Variants in FAF1 observed in about 807,000 individuals in gnomAD.
FAF1 encodes FAS-associated factor 1.
FAF1 carries 25 observed loss-of-function variants against 92.5 expected under a neutral mutation model. That is an observed-to-expected ratio of 0.27 (90% CI 0.20 to 0.38). FAF1 has a LOEUF of 0.38. Among genes scored for constraint, FAF1 ranks in the 10% least tolerant of loss-of-function variants. FAF1 has a pLI of 1.00. For missense variants in FAF1, 636 were observed against 793.3 expected, an observed-to-expected ratio of 0.80 and a Z score of 2.38; for synonymous variants, 234 against 273.2, an observed-to-expected ratio of 0.86 and a Z score of 1.42.
chr1:50,544,332 G>C (rs914830265), intron 13 of FAF1, among the ~76,000 whole-genome samples: 1 of 152,108 alleles, frequency 6.6e-6, no homozygotes, highest in Non-Finnish European at 1.5e-5. Context: ...ATCACCTAGG[G>C]AATTTATTTA....
At chr1:50,669,446 A>G (rs1233184173) in intron 7 of FAF1, among the ~76,000 whole-genome samples, 1 of 152,252 alleles carries the variant, frequency 6.6e-6, no homozygotes, top group Non-Finnish European at 1.5e-5. Flanking sequence ...TAGAGGCATT[A>G]CTTTGACTGT....
Position 50,540,024 on chromosome 1 carries a change from T to G in FAF1, c.1269-296A>C, listed in dbSNP as rs556406586. Among the ~76,000 whole-genome samples, 3 of 152,062 alleles carry G rather than the reference T, an allele frequency of 2.0e-5. No individual in the cohort carries two copies. The South Asian group carries it at 6.2e-4, about 32-fold the overall frequency. ...TCTCTCTCTGTCACCCAGGCTGGAG[T>G]GCAGTGTTGTGATCTCGGCTCACTG... On this transcript the variant is annotated intron_variant, in intron 13 of 18. Coordinates refer to ENST00000396153, the MANE Select transcript of FAF1 (RefSeq NM_007051.3).
chr1:50,623,990 A>G (rs1002287248), intron 8 of FAF1, among the ~76,000 whole-genome samples: 8 of 150,912 alleles, frequency 5.3e-5, no homozygotes, highest in Admixed American at 5.3e-4. Flanking sequence ...GAAGAAGAGG[A>G]AGAAGAAGGA....
intron 7 of FAF1, among the ~76,000 whole-genome samples, chr1:50,676,925 T>C (rs2124355128): frequency 6.6e-6 from 1 of 152,254 alleles, no homozygotes; most frequent in Middle Eastern, 3.4e-3. Context: ...GCTGCCTCTC[T>C]CCATTCTATT....
rs867071109 is a variant in FAF1, at chr1:50,834,604, C to G, written c.114+23325G>C. 1.6e-4 allele frequency among the ~76,000 whole-genome samples: 24 copies of G among 152,202 alleles called. No homozygotes were observed. The Middle Eastern group carries it at 0.014, about 86-fold the overall frequency. On this transcript the variant is annotated intron_variant, in intron 2 of 18. Transcript: ENST00000396153. ...CAGAGCCAAAACTAGAAATCAGGTC[C>G]CCTAATTACTATTCCAATACTCAGG...
chr1:50,661,064 AAC>A (rs971075464), intron 7 of FAF1, among the ~76,000 whole-genome samples: 64 of 152,306 alleles, frequency 4.2e-4, no homozygotes, highest in African/African-American at 1.5e-3. Flanking sequence ...AAAAAAATAT[AAC>A]AGACATCAAA....
At chr1:50,812,552 T>C (rs560064240) in intron 2 of FAF1, among the ~76,000 whole-genome samples, 1 of 152,296 alleles carries the variant, frequency 6.6e-6, no homozygotes, top group Non-Finnish European at 1.5e-5. Context: ...AGAATGGCTA[T>C]TATTTAAATC....
chr1:50,460,191 T>C (rs1646408324), intron 18 of FAF1, among the ~76,000 whole-genome samples: 1 of 152,222 alleles, frequency 6.6e-6, no homozygotes, highest in Non-Finnish European at 1.5e-5. Flanking sequence ...ATAGCCTAAA[T>C]TCCAATCACA....
At chr1:50,504,980 G>C (rs1286121369) in intron 15 of FAF1, among the ~76,000 whole-genome samples, 1 of 152,172 alleles carries the variant, frequency 6.6e-6, no homozygotes, top group Non-Finnish European at 1.5e-5. Flanking sequence ...ATCATATGCA[G>C]ATTAAATTTT....
intron 1 of FAF1, among the ~76,000 whole-genome samples, chr1:50,886,897 A>C (rs1395136734): frequency 6.6e-6 from 1 of 152,198 alleles, no homozygotes; most frequent in Non-Finnish European, 1.5e-5. Context: ...TATACCCAGT[A>C]GTGGGATGGC....
In FAF1 at chr1:50,897,152, AAATT is replaced by A. The variant is rs377120612; in HGVS notation, c.46-39159_46-39156del. 1.8e-4 allele frequency among the ~76,000 whole-genome samples: 28 copies of A among 152,344 alleles called. No individual in the cohort carries two copies. The South Asian group carries it at 4.6e-3, about 25-fold the overall frequency. On this transcript the variant is annotated intron_variant, in intron 1 of 18. Transcript: ENST00000396153. ...GAAAACTATAAAAGTCTAATGAAAT[AAATT>A]AAAGAATATATAAATAAATGGAGAG... is the stretch of plus-strand genomic sequence containing the variant.
At chr1:50,899,312 C>T (rs900566374) in intron 1 of FAF1, among the ~76,000 whole-genome samples, 7 of 152,020 alleles carry the variant, frequency 4.6e-5, no homozygotes, top group Non-Finnish European at 8.8e-5. Context: ...CTTTTAATGA[C>T]CTTCTATCAT....
intron 8 of FAF1, among the ~76,000 whole-genome samples, chr1:50,614,638 G>A (rs185691425): frequency 6.6e-6 from 1 of 152,110 alleles, no homozygotes; most frequent in Non-Finnish European, 1.5e-5. Context: ...TCAGGAGTTC[G>A]AGACCAGTCT....
chr1:50,537,431 G>A (rs1012716150), intron 14 of FAF1, among the ~76,000 whole-genome samples: 12 of 152,106 alleles, frequency 7.9e-5, no homozygotes, highest in South Asian at 4.1e-4. Flanking sequence ...GTTGATTGCA[G>A]CAGTTCTCAA....
chr1:50,551,467 C>A (rs1649307446), intron 13 of FAF1, among the ~76,000 whole-genome samples: 1 of 152,108 alleles, frequency 6.6e-6, no homozygotes, highest in Non-Finnish European at 1.5e-5. Flanking sequence ...TCCCTAAAAA[C>A]ATGTAAATAC....
intron 7 of FAF1, among the ~76,000 whole-genome samples, chr1:50,660,559 T>A (rs1030106873): frequency 2.6e-5 from 4 of 151,898 alleles, no homozygotes; most frequent in African/African-American, 9.7e-5. Flanking sequence ...TGCAGTAGGT[T>A]CTCGGCTTAC....
At chr1:50,867,900 T>C (rs1570075807) in intron 1 of FAF1, among the ~76,000 whole-genome samples, 1 of 152,110 alleles carries the variant, frequency 6.6e-6, no homozygotes, top group Non-Finnish European at 1.5e-5. Flanking sequence ...CAGCACAATT[T>C]GCAATTACAA....
intron 13 of FAF1, among the ~76,000 whole-genome samples, chr1:50,558,907 G>T (rs889418039): frequency 6.6e-6 from 1 of 152,120 alleles, no homozygotes; most frequent in Non-Finnish European, 1.5e-5. Context: ...GAGTAAAAAA[G>T]GCTCGTAAAT....
intron 15 of FAF1, among the ~76,000 whole-genome samples, chr1:50,522,692 A>G (rs992384611): frequency 2.0e-5 from 3 of 152,222 alleles, no homozygotes; most frequent in African/African-American, 7.2e-5. Context: ...TTTCCAGCCC[A>G]TAGTAACCTG....
Sources: gnomAD v4.1 joint callset for allele counts (sites outside exome capture counted in the v4.1 genomes callset) on GRCh38, gnomAD v4.1.1 for gene constraint, MANE v1.5 for transcripts, NCBI Gene and HGNC (gene_info 2026-07-23, HGNC 2026-07-21) for gene names.